Variants in GSE1 observed in about 807,000 individuals in gnomAD.
The protein encoded by GSE1 is genetic suppressor element 1.
Under a neutral mutation model 112.6 loss-of-function variants are expected in GSE1, and 32 were observed. The observed-to-expected ratio is 0.28, with a 90% CI of 0.21 to 0.38. The LOEUF (loss-of-function observed/expected upper bound fraction) is 0.38, where lower values mean the gene tolerates loss of function less well. Among genes scored for constraint, GSE1 ranks in the 10% least tolerant of loss-of-function variants. GSE1 has a pLI of 1.00. For missense variants in GSE1, 2,348 were observed against 1,699.2 expected (o/e 1.38, Z -6.71); for synonymous variants, 1,115 against 735.6 (o/e 1.52, Z -8.35).
At chr16:85,420,499 C>T (rs1391147980) in intron 2 of GSE1, among the ~76,000 whole-genome samples, 1 of 151,412 alleles carries the variant, frequency 6.6e-6, no homozygotes, top group Non-Finnish European at 1.5e-5. Context: ...GCGGAGGACC[C>T]TGGGGCTTCC....
chr16:85,436,030 C>G (rs369541165), intron 2 of GSE1, among the ~76,000 whole-genome samples: 1 of 152,184 alleles, frequency 6.6e-6, no homozygotes, highest in Non-Finnish European at 1.5e-5. Context: ...GGGCCAGAAC[C>G]CTGCTGGGCA....
chr16:85,641,488 G>A (rs1228973602), intron 2 of GSE1, among the ~76,000 whole-genome samples: 1 of 152,176 alleles, frequency 6.6e-6, no homozygotes, highest in African/African-American at 2.4e-5. Context: ...CGCGGGTCGG[G>A]AGAGCCCTGC....
rs564139688 is a variant in GSE1, at chr16:85,629,494, G to A, written c.8-4420G>A. Among the ~76,000 whole-genome samples the A allele has an allele frequency of 6.6e-5, 10 of 152,338 alleles. No individual in the cohort carries two copies. In the East Asian group the frequency reaches 9.6e-4, roughly 15 times the overall value. ...AGCCACCCAGCCTGCACCGGAGATCGGCCCCTCCTGCGGCCCTGGAGCAGG... is the reference window on the plus strand; with the variant it reads ...AGCCACCCAGCCTGCACCGGAGATCAGCCCCTCCTGCGGCCCTGGAGCAGG... On this transcript the variant is annotated intron_variant, in intron 1 of 15. Coordinates refer to ENST00000253458, the MANE Select transcript of GSE1 (RefSeq NM_014615.5).
At chr16:85,425,345 A>G (rs891515795) in intron 2 of GSE1, among the ~76,000 whole-genome samples, 3 of 64,194 alleles carry the variant, frequency 4.7e-5, no homozygotes, top group Non-Finnish European at 1.5e-4. Context: ...CCCCACCCCC[A>G]GGGCCAAGGG....
chr16:85,590,439 G>C (rs1321676271), intron 1 of GSE1, among the ~76,000 whole-genome samples: 1 of 151,008 alleles, frequency 6.6e-6, no homozygotes, highest in Non-Finnish European at 1.5e-5. Context: ...GTGAATGAGT[G>C]TGAGCATGTG....
chr16:85,673,676 C>G lies in GSE1; in HGVS notation c.*1137C>G, dbSNP rs1301091609. 2.0e-5 allele frequency: 3 copies of G among 152,276 alleles called. No homozygotes were observed. The highest frequency in any genetic ancestry group is 7.2e-5 in the African/African-American group (3 of 41,454). The allele number at this position is 152,276 out of a possible 1,614,324, so 9.4% of individuals were successfully genotyped here. On this transcript the variant is annotated 3_prime_UTR_variant, in exon 16 of 16. Transcript: ENST00000253458. ...GCCATGCGCTACTGCTTACCTCCTC[C>G]ACTCCCCCTGCCTGCCCCCAGCATC...
intron 1 of GSE1, among the ~76,000 whole-genome samples, chr16:85,624,861 GCCGGCATGGGTGAGCCCCCGGCTCTGT>G (rs1026273617): frequency 3.3e-5 from 5 of 152,244 alleles, no homozygotes; most frequent in Admixed American, 3.3e-4. Flanking sequence ...CTGGGAATCG[GCCGGCATGGGTGAGCCCCCGGCTCTGT>G]CTCAGCTGAG....
chr16:85,651,067 CCG>C (rs2051306318), intron 3 of GSE1, among the ~76,000 whole-genome samples: 1 of 129,774 alleles, frequency 7.7e-6, no homozygotes, highest in Non-Finnish European at 1.7e-5. Flanking sequence ...CCCTCCCCCT[CCG>C]CCCCTCCTCC....
intron 1 of GSE1, among the ~76,000 whole-genome samples, chr16:85,341,854 A>ACCC (rs2046630504): frequency 6.6e-6 from 1 of 152,044 alleles, no homozygotes; most frequent in Non-Finnish European, 1.5e-5. Context: ...GCTTTAGGGA[A>ACCC]TAAGGCCTCG....
Position 85,290,750 on chromosome 16 carries a change from C to T in GSE1, c.2284-66713C>T, listed in dbSNP as rs565680847. On this transcript the variant is annotated intron_variant, in intron 1 of 2. Transcript: ENST00000637419. ...AGGAGATGGCCACCCACGAGCTGTC[C>T]GGTAGATTCTGAGTTGTTTCACCTT... 1.3e-4 allele frequency among the ~76,000 whole-genome samples: 20 copies of T among 152,142 alleles called. 1 individual carries two copies. In the South Asian group the frequency reaches 3.3e-3, roughly 25 times the overall value.
In GSE1 at chr16:85,675,919, T is replaced by C. The variant is rs1425519627; in HGVS notation, c.*3380T>C. 6.6e-6 allele frequency: 1 copy of C among 152,620 alleles called. No individual in the cohort carries two copies. Among genetic ancestry groups the C allele is most frequent in the African/African-American group, 2.4e-5 (1 of 41,452 alleles). The allele number at this position is 152,620 out of a possible 1,614,324, so 9.5% of individuals were successfully genotyped here. ...TGCTTAACCTAAAAAACTCCTTAAC[T>C]CTGCCTTGACCTGAGGAAGACCATG... On this transcript the variant is annotated 3_prime_UTR_variant, in exon 16 of 16. Transcript: ENST00000253458.
intron 2 of GSE1, among the ~76,000 whole-genome samples, chr16:85,511,266 C>T (rs1055278782): frequency 3.9e-5 from 6 of 152,358 alleles, no homozygotes; most frequent in African/African-American, 1.4e-4. Context: ...GTGGCTCACG[C>T]CTGTAATCCC....
intron 1 of GSE1, among the ~76,000 whole-genome samples, chr16:85,588,109 C>G (rs1464087454): frequency 2.0e-5 from 3 of 152,198 alleles, no homozygotes; most frequent in African/African-American, 7.2e-5. Context: ...GTGGGCGACG[C>G]TGTCCTTGCC....
At chr16:85,322,523 G>T (rs8047906) in intron 1 of GSE1, among the ~76,000 whole-genome samples, 83,573 of 151,748 alleles carry the variant, frequency 0.55, 23,544 homozygotes, top group East Asian at 0.8. Context: ...GCAGGGGTCT[G>T]CTGGGTTCAG....
chr16:85,656,418 CGAGCGGGAGAAGGAACGT>C lies in GSE1; in HGVS notation c.1071_1088del (p.Lys359_Glu364del). ...GCGAGCGTGAGCGTGAGGCTGACCG[CGAGCGGGAGAAGGAACGT>C]GAGCGCGAACGCGAGAAGGAGCGCG... On this transcript the variant is annotated inframe_deletion, in exon 7 of 16. Coordinates refer to ENST00000253458, the MANE Select transcript of GSE1 (RefSeq NM_014615.5). The C allele has an allele frequency of 6.3e-7, 1 of 1,575,966 alleles. No individual in the cohort carries two copies. The highest frequency in any genetic ancestry group is 8.6e-7 in the Non-Finnish European group (1 of 1,157,970).
At chr16:85,575,315 C>T (rs562826282) in intron 1 of GSE1, among the ~76,000 whole-genome samples, 20 of 152,282 alleles carry the variant, frequency 1.3e-4, no homozygotes, top group East Asian at 3.9e-4. Context: ...TGTGTTTACC[C>T]GGGGAGTTCT....
chr16:85,434,121 C>T (rs1336677415), intron 2 of GSE1, among the ~76,000 whole-genome samples: 1 of 152,098 alleles, frequency 6.6e-6, no homozygotes, highest in African/African-American at 2.4e-5. Flanking sequence ...AACTCCTCAC[C>T]AGGAAAGAAA....
chr16:85,513,502 C>T (rs765446123), intron 2 of GSE1, among the ~76,000 whole-genome samples: 11 of 152,160 alleles, frequency 7.2e-5, no homozygotes, highest in Non-Finnish European at 1.6e-4. Context: ...ACCGCTCACG[C>T]ACCCAACGTC....
intron 1 of GSE1, among the ~76,000 whole-genome samples, chr16:85,225,891 C>T (rs1018606057): frequency 3.9e-5 from 6 of 152,192 alleles, no homozygotes; most frequent in Admixed American, 1.3e-4. Flanking sequence ...CTCATCAGCA[C>T]GTCAACTGGG....
Sources: allele counts gnomAD v4.1 joint callset (sites outside exome capture counted in the v4.1 genomes callset), GRCh38; gene constraint gnomAD v4.1.1; transcripts MANE v1.5; gene names NCBI Gene and HGNC (gene_info 2026-07-23, HGNC 2026-07-21).